The following CACNA1D variants were observed in gnomAD, a reference collection of about 807,000 sequenced individuals.
The protein encoded by CACNA1D is voltage-dependent L-type calcium channel subunit alpha-1D.
CACNA1D carries 55 observed loss-of-function variants against 257.1 expected under a neutral mutation model. The ratio of observed to expected loss-of-function variants is 0.21; its 90% CI spans 0.17 to 0.27. CACNA1D has a LOEUF of 0.27. CACNA1D is among the 10% of genes least tolerant of loss of function. The pLI, the probability that CACNA1D is intolerant of heterozygous loss-of-function variation, is 1.00. For missense variants in CACNA1D, 1,876 were observed against 2,784.0 expected (o/e 0.67, Z 7.34); for synonymous variants, 980 against 1,014.9 (o/e 0.97, Z 0.65).
chr3:53,717,000 C>A (rs1434592252), intron 9 of CACNA1D, among the ~76,000 whole-genome samples: 1 of 152,238 alleles, frequency 6.6e-6, no homozygotes, highest in Non-Finnish European at 1.5e-5. Context: ...TGAGCCTGGG[C>A]TGGGCCTCAG....
At chr3:53,660,441 C>T (rs550147732) in intron 5 of CACNA1D, among the ~76,000 whole-genome samples, 166 bp downstream of exon 5, 2 of 152,286 alleles carry the variant, frequency 1.3e-5, no homozygotes, top group South Asian at 2.1e-4. Flanking sequence ...TGCACTGTCA[C>T]GTTGGATCCC....
At chr3:53,504,463 T>TTG (rs2090740169) in intron 3 of CACNA1D, among the ~76,000 whole-genome samples, 1 of 152,186 alleles carries the variant, frequency 6.6e-6, no homozygotes, top group Non-Finnish European at 1.5e-5. Flanking sequence ...GAGACTACCT[T>TTG]GGGGGGCAGA....
intron 3 of CACNA1D, among the ~76,000 whole-genome samples, chr3:53,641,654 A>G (rs922512460): frequency 1.1e-4 from 17 of 152,200 alleles, no homozygotes; most frequent in Non-Finnish European, 2.2e-4. Flanking sequence ...TGTCCCTGGG[A>G]TGCACGGGAT....
intron 3 of CACNA1D, among the ~76,000 whole-genome samples, chr3:53,513,232 GC>G (rs546478673): frequency 7.5e-4 from 114 of 152,304 alleles, no homozygotes; most frequent in African/African-American, 2.6e-3. Context: ...CAGTTCATCA[GC>G]CAAGATCAAA....
intron 3 of CACNA1D, among the ~76,000 whole-genome samples, chr3:53,573,701 G>A (rs954158257): frequency 6.6e-6 from 1 of 152,156 alleles, no homozygotes; most frequent in East Asian, 1.9e-4. Flanking sequence ...ACTGTTGTAT[G>A]TCCAGTATCT....
intron 3 of CACNA1D, among the ~76,000 whole-genome samples, chr3:53,503,220 A>G (rs570818898): frequency 5.3e-5 from 8 of 152,354 alleles, no homozygotes; most frequent in South Asian, 2.1e-4. Flanking sequence ...ATACAACTAT[A>G]AATGGGAGTC....
At chr3:53,599,359 C>G (rs1195162175) in intron 3 of CACNA1D, among the ~76,000 whole-genome samples, 1 of 151,996 alleles carries the variant, frequency 6.6e-6, no homozygotes, top group Admixed American at 6.6e-5. Context: ...CTGATTATTT[C>G]TTTAGAATAA....
At chr3:53,565,941 C>A (rs80036073) in intron 3 of CACNA1D, among the ~76,000 whole-genome samples, 1 of 152,264 alleles carries the variant, frequency 6.6e-6, no homozygotes, top group Non-Finnish European at 1.5e-5. Flanking sequence ...GTACACCCAC[C>A]TATTGAGGCA....
At chr3:53,703,389 A>G (rs2094648038) in intron 9 of CACNA1D, among the ~76,000 whole-genome samples, 1 of 152,208 alleles carries the variant, frequency 6.6e-6, no homozygotes, top group Non-Finnish European at 1.5e-5. Flanking sequence ...GACACCCCAC[A>G]CTGTGACACT....
chr3:53,607,176 G>GA (rs1232366991), intron 3 of CACNA1D, among the ~76,000 whole-genome samples: 2 of 152,178 alleles, frequency 1.3e-5, no homozygotes, highest in Non-Finnish European at 1.5e-5. Context: ...TTACCCTTGG[G>GA]AAAAATAGCA....
chr3:53,767,420 G>C (rs898399208), intron 30 of CACNA1D, among the ~76,000 whole-genome samples: 1 of 152,114 alleles, frequency 6.6e-6, no homozygotes, highest in South Asian at 2.1e-4. Context: ...CAAAAAATTC[G>C]GCAGGCATGG....
At chr3:53,513,228 A>G (rs977987221) in intron 3 of CACNA1D, among the ~76,000 whole-genome samples, 1 of 152,228 alleles carries the variant, frequency 6.6e-6, no homozygotes. Context: ...GTTTCAGTTC[A>G]TCAGCCAAGA....
At chr3:53,555,384 T>C (rs1259159470) in intron 3 of CACNA1D, among the ~76,000 whole-genome samples, 4 of 151,604 alleles carry the variant, frequency 2.6e-5, no homozygotes, top group African/African-American at 7.3e-5. Flanking sequence ...GTGGCTGTGG[T>C]TGGTGGACCT....
At chr3:53,787,425 C>CTCTGTGTGTGTG (rs2095460182) in intron 40 of CACNA1D, among the ~76,000 whole-genome samples, 1 of 136,150 alleles carries the variant, frequency 7.3e-6, no homozygotes, top group African/African-American at 2.9e-5. Flanking sequence ...AGTATGTATT[C>CTCTGTGTGTGTG]TGTGTGTGTG....
intron 40 of CACNA1D, among the ~76,000 whole-genome samples, chr3:53,788,308 G>A (rs527772336): frequency 2.2e-4 from 33 of 152,288 alleles, no homozygotes; most frequent in Non-Finnish European, 3.8e-4. Flanking sequence ...CCATGAATCC[G>A]ACTGAAGACA....
chr3:53,652,030 C>G (rs149069394), intron 4 of CACNA1D, among the ~76,000 whole-genome samples: 1 of 152,072 alleles, frequency 6.6e-6, no homozygotes, highest in Non-Finnish European at 1.5e-5. Context: ...AAACCGCCCC[C>G]GCCGCCAATA....
rs572648426 is a variant in CACNA1D, at chr3:53,565,264, A to G, written c.483+63544A>G. 1.5e-4 allele frequency among the ~76,000 whole-genome samples: 23 copies of G among 152,224 alleles called. No individual in the cohort carries two copies. The South Asian group carries it at 4.8e-3, about 32-fold the overall frequency. On this transcript the variant is annotated intron_variant, in intron 3 of 47. Coordinates refer to ENST00000350061, the MANE Select transcript of CACNA1D (RefSeq NM_001128840.3). The stretch of plus-strand genomic sequence containing the variant: ...AAGTCCTTCCATCTTGTTCTACTTT[A>G]TCAGCAGATTCTTGGAAAGTTTCCT...
intron 3 of CACNA1D, among the ~76,000 whole-genome samples, chr3:53,619,017 C>T (rs747721616): frequency 8.5e-5 from 13 of 152,176 alleles, no homozygotes; most frequent in Admixed American, 3.3e-4. Context: ...CCACTGCCAA[C>T]GTCTCTGTTG....
chr3:53,743,252 A>G lies in CACNA1D; in HGVS notation c.2918+135A>G. 6.0e-6 allele frequency: 4 copies of G among 664,518 alleles called. No individual in the cohort carries two copies. In the South Asian group the frequency reaches 7.4e-5, roughly 12 times the overall value. The allele number at this position is 664,518 out of a possible 1,614,324, so 41.2% of individuals were successfully genotyped here. On this transcript the variant is annotated intron_variant, in intron 22 of 47. Coordinates refer to ENST00000350061, the MANE Select transcript of CACNA1D (RefSeq NM_001128840.3). ...ATATAGGTTTATTTAATTTGCTCCC[A>G]TTCCAGAAAGATTTAAACAATTCAT...
Sources: allele counts gnomAD v4.1 joint callset (sites outside exome capture counted in the v4.1 genomes callset), GRCh38; gene constraint gnomAD v4.1.1; transcripts MANE v1.5; gene names NCBI Gene and HGNC (gene_info 2026-07-23, HGNC 2026-07-21).